Variants in SUGCT observed in about 807,000 individuals in gnomAD.
SUGCT encodes succinyl-CoA:glutarate CoA-transferase.
In SUGCT, 41 loss-of-function variants were observed where a neutral mutation model predicts 55.0. That is an observed-to-expected ratio of 0.74 (90% CI 0.58 to 0.97). The LOEUF (loss-of-function observed/expected upper bound fraction) is 0.97, where lower values mean the gene tolerates loss of function less well. Among genes scored for constraint, SUGCT ranks in the 50% least tolerant of loss-of-function variants. SUGCT has a pLI of 0.00. For synonymous variants in SUGCT, 187 were observed against 200.4 expected, an observed-to-expected ratio of 0.93 and a Z score of 0.56; for missense variants, 568 against 547.8, an observed-to-expected ratio of 1.04 and a Z score of -0.37.
At chr7:40,459,438 A>G (rs1036182657) in intron 11 of SUGCT, among the ~76,000 whole-genome samples, 1 of 152,178 alleles carries the variant, frequency 6.6e-6, no homozygotes. Flanking sequence ...TATAAATAAG[A>G]AAGTCACCAT....
chr7:40,391,847 C>T (rs748172302), intron 9 of SUGCT, among the ~76,000 whole-genome samples: 2 of 152,012 alleles, frequency 1.3e-5, no homozygotes, highest in Admixed American at 6.5e-5. Flanking sequence ...GTGTTTGTTG[C>T]GGCACTATTC....
chr7:40,367,559 G>A (rs1383001751), intron 9 of SUGCT, among the ~76,000 whole-genome samples: 1 of 151,476 alleles, frequency 6.6e-6, no homozygotes, highest in Non-Finnish European at 1.5e-5. Context: ...TTTTTTCTGA[G>A]AAAAGAAATG....
intron 9 of SUGCT, among the ~76,000 whole-genome samples, chr7:40,366,412 A>T (rs1160467304): frequency 6.6e-6 from 1 of 152,124 alleles, no homozygotes; most frequent in Admixed American, 6.5e-5. Context: ...AAATTGACAA[A>T]TGGGATCTAA....
At chr7:40,225,030 G>A (rs1788253036) in intron 6 of SUGCT, among the ~76,000 whole-genome samples, 1 of 152,228 alleles carries the variant, frequency 6.6e-6, no homozygotes, top group Admixed American at 6.5e-5. Context: ...GAGGCTGCCT[G>A]CCTGTTGGGG....
intron 12 of SUGCT, among the ~76,000 whole-genome samples, chr7:40,697,350 C>G (rs117098006): frequency 6.6e-6 from 1 of 152,144 alleles, no homozygotes; most frequent in African/African-American, 2.4e-5. Flanking sequence ...TAATTGATGG[C>G]TGGGCCAGGT....
At chr7:40,321,235 C>G (rs1397537189) in intron 9 of SUGCT, among the ~76,000 whole-genome samples, 1 of 151,220 alleles carries the variant, frequency 6.6e-6, no homozygotes, top group Non-Finnish European at 1.5e-5. Flanking sequence ...GCCATCACGC[C>G]TGGCTAATTT....
chr7:40,631,526 C>G (rs963311399), intron 12 of SUGCT, among the ~76,000 whole-genome samples: 1 of 152,214 alleles, frequency 6.6e-6, no homozygotes, highest in African/African-American at 2.4e-5. Context: ...CTAGTCCTTT[C>G]ATGATCTGAA....
intron 13 of SUGCT, among the ~76,000 whole-genome samples, chr7:40,764,248 C>T (rs753030941): frequency 2.0e-5 from 3 of 152,160 alleles, no homozygotes; most frequent in Non-Finnish European, 2.9e-5. Flanking sequence ...TACCTCAGCT[C>T]ACCACTGAGG....
chr7:40,296,854 T>G (rs146239659), intron 8 of SUGCT, among the ~76,000 whole-genome samples: 130 of 151,888 alleles, frequency 8.6e-4, no homozygotes, highest in African/African-American at 3.1e-3. Flanking sequence ...GCCTCTAGAG[T>G]AGTGGTTAGG....
chr7:40,468,325 G>A (rs1790229831), intron 11 of SUGCT, among the ~76,000 whole-genome samples: 1 of 152,008 alleles, frequency 6.6e-6, no homozygotes, highest in South Asian at 2.1e-4. Context: ...AGTAATATCT[G>A]TAATTTCCTT....
At chr7:40,296,180 G>A (rs1391160217) in intron 8 of SUGCT, among the ~76,000 whole-genome samples, 1 of 152,144 alleles carries the variant, frequency 6.6e-6, no homozygotes, top group Non-Finnish European at 1.5e-5. Flanking sequence ...TTAAATGTAA[G>A]GTAATTTTGT....
chr7:40,324,261 A>ATATATTTATT (rs377215730), intron 9 of SUGCT, among the ~76,000 whole-genome samples: 8 of 99,970 alleles, frequency 8.0e-5, no homozygotes, highest in African/African-American at 1.6e-4. Context: ...AAATATATAT[A>ATATATTTATT]TATTTATTTT....
chr7:40,804,098 T>C (rs1790963449), intron 13 of SUGCT, among the ~76,000 whole-genome samples: 1 of 152,188 alleles, frequency 6.6e-6, no homozygotes, highest in Non-Finnish European at 1.5e-5. Flanking sequence ...CTAATCATAA[T>C]CATCTAGGAA....
At chr7:40,404,572 G>A (rs1055766241) in intron 9 of SUGCT, among the ~76,000 whole-genome samples, 1 of 152,094 alleles carries the variant, frequency 6.6e-6, no homozygotes, top group Admixed American at 6.5e-5. Context: ...TAGCAGCTGG[G>A]ATTACAGGCA....
chr7:40,228,975 T>A (rs1387136087), intron 6 of SUGCT, among the ~76,000 whole-genome samples: 1 of 152,226 alleles, frequency 6.6e-6, no homozygotes, highest in Non-Finnish European at 1.5e-5. Flanking sequence ...CCGGGTTGGC[T>A]TCTGCGTCTT....
intron 12 of SUGCT, among the ~76,000 whole-genome samples, chr7:40,564,596 T>G (rs551872123): frequency 9.2e-5 from 14 of 152,364 alleles, no homozygotes; most frequent in African/African-American, 3.4e-4. Context: ...TTTCTTTTCC[T>G]ACTGGAGATA....
intron 13 of SUGCT, among the ~76,000 whole-genome samples, chr7:40,804,512 T>C (rs1790986841): frequency 6.6e-6 from 1 of 151,868 alleles, no homozygotes; most frequent in Non-Finnish European, 1.5e-5. Flanking sequence ...GTTGAAGTAG[T>C]GAGGTCATCT....
intron 12 of SUGCT, among the ~76,000 whole-genome samples, chr7:40,530,680 G>A (rs1220049050): frequency 6.6e-6 from 1 of 152,186 alleles, no homozygotes; most frequent in Non-Finnish European, 1.5e-5. Flanking sequence ...AGCAGTTATT[G>A]TTCTGAAACT....
intron 5 of SUGCT, among the ~76,000 whole-genome samples, chr7:40,190,222 A>T (rs1249467404): frequency 6.6e-6 from 1 of 152,114 alleles, no homozygotes; most frequent in Non-Finnish European, 1.5e-5. Flanking sequence ...CAGTTTCTTC[A>T]TTAGTAAACT....
Sources: gnomAD v4.1 joint callset for allele counts (sites outside exome capture counted in the v4.1 genomes callset) on GRCh38, gnomAD v4.1.1 for gene constraint, MANE v1.5 for transcripts, NCBI Gene and HGNC (gene_info 2026-07-23, HGNC 2026-07-21) for gene names.